Variants in CELF1 observed in about 807,000 individuals in gnomAD.
CELF1 encodes 50 kDa nuclear polyadenylated RNA-binding protein.
A neutral mutation model predicts 61.8 loss-of-function variants in CELF1; 10 were observed. That is an observed-to-expected ratio of 0.16 (90% CI 0.10 to 0.27). CELF1 has a LOEUF of 0.27. Among genes scored for constraint, CELF1 ranks in the 10% least tolerant of loss-of-function variants. The pLI is 1.00. For synonymous variants in CELF1, 236 were observed against 225.1 expected (o/e 1.05, Z -0.43); for missense variants, 380 against 639.1 (o/e 0.59, Z 4.37).
In CELF1 at chr11:47,488,862, C is replaced by T. The variant is rs1565796389; in HGVS notation, c.234G>A (p.Arg78=). 2 of 1,575,348 alleles carry T rather than the reference C, an allele frequency of 1.3e-6. No homozygotes were observed. Among genetic ancestry groups the T allele is most frequent in the Non-Finnish European group, 1.7e-6 (2 of 1,163,476 alleles). ...AVYEINVLRD[R]SQNPPQSKGC... Reference sequence around the variant, plus strand: ...CTTTGCTCTGAGGCGGGTTTTGGCTCCTATCCCTTAGGACGTTGATTTCAT... The same window carrying T: ...CTTTGCTCTGAGGCGGGTTTTGGCTTCTATCCCTTAGGACGTTGATTTCAT... The change falls in exon 4 of 15, where the codon AGG becomes AGA. Residue 78 remains arginine, a synonymous_variant. Coordinates refer to ENST00000687097, the MANE Select transcript of CELF1 (RefSeq NM_001376376.1).
intron 1 of CELF1, among the ~76,000 whole-genome samples, chr11:47,550,449 T>C (rs942649287): frequency 1.3e-5 from 2 of 152,106 alleles, no homozygotes; most frequent in Non-Finnish European, 2.9e-5. Flanking sequence ...GAGAACTGCT[T>C]GAGCCCGGGG....
intron 3 of CELF1, chr11:47,494,600 T>G: frequency 1.7e-5 from 8 of 471,504 alleles, no homozygotes; most frequent in Non-Finnish European, 2.2e-5. Context: ...ACCCCAGGCC[T>G]ATCTCAGGGG....
chr11:47,565,522 C>A, upstream of CELF1: 1 of 1,033,628 alleles, frequency 9.7e-7, no homozygotes, highest in Non-Finnish European at 1.2e-6. Context: ...CCGCGAGAGG[C>A]CTAGTGCAGC....
intron 1 of CELF1, among the ~76,000 whole-genome samples, chr11:47,535,351 C>T (rs948839801): frequency 6.6e-6 from 1 of 151,932 alleles, no homozygotes; most frequent in Non-Finnish European, 1.5e-5. Context: ...CATTAACTAC[C>T]GTAGGCAATA....
At chr11:47,480,764 G>A (rs2037564810) in intron 9 of CELF1, among the ~76,000 whole-genome samples, 1 of 152,180 alleles carries the variant, frequency 6.6e-6, no homozygotes, top group Non-Finnish European at 1.5e-5. Context: ...ACCGGACCCA[G>A]TGGTTCACGC....
chr11:47,470,298 T>G lies in CELF1; in HGVS notation c.*1932A>C, dbSNP rs1375365233. ...CTAGCATTTTTTTCTTTTTTTTTTT[T>G]GTTTTCTTTTTTCTTTTTTATTTTT... On this transcript the variant is annotated 3_prime_UTR_variant, in exon 15 of 15. Transcript: ENST00000687097. 1 of 140,700 alleles carries G rather than the reference T, an allele frequency of 7.1e-6. No individual in the cohort carries two copies. The highest frequency in any genetic ancestry group is 1.6e-5 in the Non-Finnish European group (1 of 64,130). 8.7% of individuals were successfully genotyped at this position (140,700 alleles called of 1,614,324 possible).
rs7108714 is a variant in CELF1, at chr11:47,499,440, C to T, written c.71+13G>A. On this transcript the variant is annotated intron_variant, in intron 3 of 14. Coordinates refer to ENST00000687097, the MANE Select transcript of CELF1 (RefSeq NM_001376376.1). ...TCTGCTTATGATAAAAATTAGACAA[C>T]AAAAATACTTACACGGGACTGGAAT... 1.6e-4 allele frequency: 252 copies of T among 1,532,748 alleles called. No individual in the cohort carries two copies. In the African/African-American group the frequency reaches 3.2e-3, roughly 19 times the overall value. The allele number at this position is 1,532,748 out of a possible 1,614,324, so 94.9% of individuals were successfully genotyped here. A position where few individuals can be genotyped will look rare whatever the true frequency, so the allele number is the denominator to read the frequency against.
rs1177250671 is a variant in CELF1 at position 47,541,793 on chromosome 11, C to CGAAA, written c.-154+11195_-154+11198dup. Among the ~76,000 whole-genome samples the CGAAA allele has an allele frequency of 3.0e-3, 42 of 13,858 alleles. 5 individuals are homozygous for CGAAA. The highest frequency in any genetic ancestry group is 5.7e-3 in the African/African-American group (42 of 7,382). 9.1% of individuals were successfully genotyped at this position (13,858 alleles called of 152,430 possible). On this transcript the variant is annotated intron_variant, in intron 1 of 14. Transcript: ENST00000687097. Reference sequence around the variant, plus strand: ...ACGAAAGAAAGAACGAAAGAAAGAACGAAAGAAAGAAAGAAAGAAAGAAAG... The same window carrying CGAAA: ...ACGAAAGAAAGAACGAAAGAAAGAACGAAAGAAAGAAAGAAAGAAAGAAAGAAAG...
chr11:47,550,820 A>G (rs1344990985), intron 1 of CELF1, among the ~76,000 whole-genome samples: 4 of 152,084 alleles, frequency 2.6e-5, no homozygotes, highest in Non-Finnish European at 4.4e-5. Flanking sequence ...ATGTTACTGA[A>G]GCTGAACTAA....
rs1376146293 is a variant in CELF1, at chr11:47,541,708, A to T, written c.-154+11284T>A. 3.4e-3 allele frequency among the ~76,000 whole-genome samples: 7 copies of T among 2,044 alleles called. 1 individual carries two copies. The highest frequency in any genetic ancestry group is 5.1e-3 in the African/African-American group (7 of 1,378). 1.3% of individuals were successfully genotyped at this position (2,044 alleles called of 152,430 possible). ...TGTCAAAGAAAGAAAGAAAGAAAGAAAGAAAGAAAGAAAGAAAGAACGAAA... is the reference window on the plus strand; with the variant it reads ...TGTCAAAGAAAGAAAGAAAGAAAGATAGAAAGAAAGAAAGAAAGAACGAAA... On this transcript the variant is annotated intron_variant, in intron 1 of 14. Coordinates refer to ENST00000687097, the MANE Select transcript of CELF1 (RefSeq NM_001376376.1).
chr11:47,558,762 A>T (rs1378984642), intron 2 of CELF1, among the ~76,000 whole-genome samples: 1 of 116,080 alleles, frequency 8.6e-6, no homozygotes, highest in African/African-American at 3.4e-5. Context: ...TATATAATAT[A>T]TATAATTGTA....
At chr11:47,528,063 T>A (rs1046196031) in intron 1 of CELF1, among the ~76,000 whole-genome samples, 4 of 152,164 alleles carry the variant, frequency 2.6e-5, no homozygotes, top group Non-Finnish European at 5.9e-5. Context: ...ACCATTGCAC[T>A]CTGGCCTGGG....
intron 3 of CELF1, chr11:47,494,508 T>G: frequency 1.0e-6 from 1 of 981,240 alleles, no homozygotes; most frequent in Non-Finnish European, 1.2e-6. Context: ...AAAGAGCTGT[T>G]ATTTTCAAAG....
chr11:47,545,996 C>T (rs2096935680), intron 1 of CELF1, among the ~76,000 whole-genome samples: 1 of 149,400 alleles, frequency 6.7e-6, no homozygotes, highest in Non-Finnish European at 1.5e-5. Context: ...CTGCAAGCTC[C>T]GCCTCCCGGG....
At chr11:47,486,865 C>G (rs1313586393) in intron 5 of CELF1, 67 bp from the exon 6 acceptor site, 2 of 1,185,382 alleles carry the variant, frequency 1.7e-6, no homozygotes, top group East Asian at 2.3e-5. Context: ...CATATGGACT[C>G]TAAAATACCA....
At chr11:47,482,641 A>G (rs1316287615) in intron 9 of CELF1, 54 bp downstream of exon 9, 43 of 1,543,630 alleles carry the variant, frequency 2.8e-5, no homozygotes, top group African/African-American at 5.5e-5. Flanking sequence ...ACAGCAGAAG[A>G]AGGAACAGCT....
rs1178747612 is a variant in CELF1, at chr11:47,504,573, T to C, written c.-153-3641A>G. 9.0e-4 allele frequency among the ~76,000 whole-genome samples: 127 copies of C among 141,546 alleles called. 1 individual carries two copies. Among genetic ancestry groups the C allele is most frequent in the Middle Eastern group, 3.9e-3 (1 of 258 alleles). 92.9% of individuals were successfully genotyped at this position (141,546 alleles called of 152,430 possible). A position where few individuals can be genotyped will look rare whatever the true frequency, so the allele number is the denominator to read the frequency against. On this transcript the variant is annotated intron_variant, in intron 1 of 14. Coordinates refer to ENST00000687097, the MANE Select transcript of CELF1 (RefSeq NM_001376376.1). ...CAGCATGGGCAACAGCGTGAGACCC[T>C]GCCTTACAAAACAAAATAAATAAAA...
chr11:47,510,316 G>A (rs1172216366), intron 1 of CELF1, among the ~76,000 whole-genome samples: 3 of 152,252 alleles, frequency 2.0e-5, no homozygotes, highest in African/African-American at 7.2e-5. Flanking sequence ...TGTATGCTGA[G>A]TAAATGACAA....
intron 9 of CELF1, among the ~76,000 whole-genome samples, chr11:47,481,151 G>A (rs2083031090): frequency 1.0e-5 from 1 of 100,394 alleles, no homozygotes; most frequent in Non-Finnish European, 1.8e-5. Flanking sequence ...TCGCTCTATT[G>A]CCCAGGCTGG....
Sources: allele counts gnomAD v4.1 joint callset (sites outside exome capture counted in the v4.1 genomes callset), GRCh38; gene constraint gnomAD v4.1.1; transcripts MANE v1.5; gene names NCBI Gene and HGNC (gene_info 2026-07-23, HGNC 2026-07-21).